PTPRD: variants seen among roughly 807,000 people sequenced by gnomAD.
PTPRD encodes protein tyrosine phosphatase receptor type D, also known as receptor-type tyrosine-protein phosphatase delta.
PTPRD carries 34 observed loss-of-function variants against 214.5 expected under a neutral mutation model. The ratio of observed to expected loss-of-function variants is 0.16; its 90% CI spans 0.12 to 0.21. The LOEUF is 0.21. Ranked by LOEUF, PTPRD falls within the 10% of genes least tolerant of loss-of-function variation. The pLI is 1.00. For synonymous variants in PTPRD, 1,128 were observed against 845.7 expected (o/e 1.33, Z -5.79); for missense variants, 2,545 against 2,398.7 (o/e 1.06, Z -1.27).
intron 14 of PTPRD, among the ~76,000 whole-genome samples, chr9:8,529,831 T>C (rs2075214686): frequency 6.6e-6 from 1 of 152,168 alleles, no homozygotes; most frequent in South Asian, 2.1e-4. Flanking sequence ...AGGGTACATA[T>C]GCACAACGTG....
At chr9:9,413,656 G>A (rs1569568105) in intron 8 of PTPRD, among the ~76,000 whole-genome samples, 1 of 152,106 alleles carries the variant, frequency 6.6e-6, no homozygotes, top group Non-Finnish European at 1.5e-5. Context: ...GCTGAACATT[G>A]GTGGCAATCT....
At chr9:9,285,760 G>A (rs1425272452) in intron 9 of PTPRD, among the ~76,000 whole-genome samples, 1 of 151,634 alleles carries the variant, frequency 6.6e-6, no homozygotes, top group East Asian at 2.0e-4. Flanking sequence ...CACTAACTTT[G>A]ATCCTCATTT....
chr9:9,206,675 T>C (rs191541797), intron 9 of PTPRD, among the ~76,000 whole-genome samples: 1 of 152,350 alleles, frequency 6.6e-6, no homozygotes, highest in East Asian at 1.9e-4. Context: ...TGCCTTCATC[T>C]GTCTTTTGTG....
intron 7 of PTPRD, among the ~76,000 whole-genome samples, chr9:9,687,609 AAAACTT>A (rs2154401481): frequency 6.6e-6 from 1 of 151,884 alleles, no homozygotes; most frequent in Admixed American, 6.6e-5. Flanking sequence ...CATGTACCCT[AAAACTT>A]AAAGTATAAT....
chr9:8,761,103 T>G (rs966924904), intron 11 of PTPRD, among the ~76,000 whole-genome samples: 1 of 152,152 alleles, frequency 6.6e-6, no homozygotes, highest in East Asian at 1.9e-4. Flanking sequence ...GTAGAAAAAT[T>G]TAAAAAGACA....
At chr9:9,243,863 G>A (rs2099971621) in intron 9 of PTPRD, among the ~76,000 whole-genome samples, 2 of 152,140 alleles carry the variant, frequency 1.3e-5, no homozygotes, top group African/African-American at 4.8e-5. Context: ...CCTGTTTGCA[G>A]GTGACATGAT....
At chr9:8,931,791 TC>T (rs2098954443) in intron 11 of PTPRD, among the ~76,000 whole-genome samples, 2 of 152,230 alleles carry the variant, frequency 1.3e-5, no homozygotes, top group Admixed American at 1.3e-4. Flanking sequence ...ATCTGTCTGG[TC>T]CTGGTTTTTT....
intron 44 of PTPRD, among the ~76,000 whole-genome samples, chr9:8,327,828 G>C (rs150406880): frequency 2.2e-3 from 339 of 152,252 alleles, no homozygotes; most frequent in African/African-American, 7.5e-3. Context: ...CAGAGACTAG[G>C]ATTGTATCCC....
intron 4 of PTPRD, among the ~76,000 whole-genome samples, chr9:9,986,563 G>T (rs1252536068): frequency 6.6e-6 from 1 of 152,076 alleles, no homozygotes; most frequent in Non-Finnish European, 1.5e-5. Flanking sequence ...ATCTCCCACA[G>T]GTGGGGCAAT....
At chr9:9,652,227 C>A (rs1198561745) in intron 7 of PTPRD, among the ~76,000 whole-genome samples, 1 of 152,130 alleles carries the variant, frequency 6.6e-6, no homozygotes, top group African/African-American at 2.4e-5. Flanking sequence ...TTACTATCTG[C>A]TGGCTTGGCT....
At chr9:10,237,916 C>T (rs2154360621) in intron 3 of PTPRD, among the ~76,000 whole-genome samples, 1 of 151,918 alleles carries the variant, frequency 6.6e-6, no homozygotes, top group African/African-American at 2.4e-5. Flanking sequence ...TGAAGAGCTT[C>T]TGAGAGTTCA....
chr9:10,211,361 T>C (rs917971655), intron 3 of PTPRD, among the ~76,000 whole-genome samples: 9 of 152,138 alleles, frequency 5.9e-5, no homozygotes, highest in African/African-American at 1.9e-4. Flanking sequence ...AGGTATGACT[T>C]GGGCTAAACT....
chr9:9,527,146 A>G (rs1013549689), intron 8 of PTPRD, among the ~76,000 whole-genome samples: 2 of 152,168 alleles, frequency 1.3e-5, no homozygotes, highest in African/African-American at 2.4e-5. Context: ...TGAAATTACT[A>G]TTCAAAGTTT....
chr9:10,194,363 G>C (rs1275523483), intron 3 of PTPRD, among the ~76,000 whole-genome samples: 6 of 19,472 alleles, frequency 3.1e-4, no homozygotes, highest in Admixed American at 1.3e-3. Context: ...GAGAGAGAGA[G>C]AGAGAGAGAG....
At chr9:9,003,779 T>C (rs1443968566) in intron 11 of PTPRD, among the ~76,000 whole-genome samples, 2 of 152,076 alleles carry the variant, frequency 1.3e-5, no homozygotes, top group Non-Finnish European at 2.9e-5. Context: ...AAAAGGCTCT[T>C]CTCTTCTTAC....
intron 21 of PTPRD, among the ~76,000 whole-genome samples, chr9:8,513,047 A>G (rs1426265670): frequency 6.6e-6 from 1 of 151,990 alleles, no homozygotes; most frequent in Non-Finnish European, 1.5e-5. Context: ...TAATATAAAT[A>G]CTTTCCTTGT....
chr9:8,482,003 G>T (rs768952558), intron 30 of PTPRD, among the ~76,000 whole-genome samples: 1 of 151,836 alleles, frequency 6.6e-6, no homozygotes, highest in Non-Finnish European at 1.5e-5. Context: ...GTCTGGTCTC[G>T]AACTCCTGAC....
intron 2 of PTPRD, among the ~76,000 whole-genome samples, chr9:10,386,487 T>C (rs952699162): frequency 6.6e-6 from 1 of 151,838 alleles, no homozygotes; most frequent in African/African-American, 2.4e-5. Context: ...ACAGGGACTG[T>C]GCACATGAAA....
intron 10 of PTPRD, among the ~76,000 whole-genome samples, chr9:9,168,727 A>C (rs1193810462): frequency 6.6e-6 from 1 of 152,130 alleles, no homozygotes; most frequent in African/African-American, 2.4e-5. Context: ...AAAAAAAGCC[A>C]ACAGACAAAA....
Sources: allele counts gnomAD v4.1 joint callset (sites outside exome capture counted in the v4.1 genomes callset), GRCh38; gene constraint gnomAD v4.1.1; transcripts MANE v1.5; gene names NCBI Gene and HGNC (gene_info 2026-07-23, HGNC 2026-07-21).